The following TENT4B variants were observed in gnomAD, a reference collection of about 807,000 sequenced individuals.
TENT4B encodes the protein PAP associated domain containing 5.
A neutral mutation model predicts 75.0 loss-of-function variants in TENT4B; 10 were observed. That is an observed-to-expected ratio of 0.13 (90% CI 0.08 to 0.23). The LOEUF (loss-of-function observed/expected upper bound fraction) is 0.23. Ranked by LOEUF, TENT4B falls within the 10% of genes least tolerant of loss-of-function variation. TENT4B has a pLI of 1.00. For synonymous variants in TENT4B, 350 were observed against 357.7 expected (o/e 0.98, Z 0.24); for missense variants, 579 against 893.8 (o/e 0.65, Z 4.49).
rs2031548799 is a variant in TENT4B at position 50,216,294 on chromosome 16, G to A, written c.930+99G>A. The A allele has an allele frequency of 2.8e-6, 4 of 1,431,304 alleles. No individual in the cohort carries two copies. In the Admixed American group the frequency reaches 6.2e-5, roughly 22 times the overall value. The allele number at this position is 1,431,304 out of a possible 1,614,324, so 88.7% of individuals were successfully genotyped here. On this transcript the variant is annotated intron_variant, in intron 4 of 11. Coordinates refer to ENST00000561678, the MANE Select transcript of TENT4B (RefSeq NM_001365324.3). ...GTGAGCACAGTTGCATTGCAAGTGA[G>A]TGATTCTTTCATTTTGTTAATGTCA...
chr16:50,153,997 G>C lies in TENT4B; in HGVS notation c.376G>C (p.Gly126Arg). ...GCCCGGGGCCTGGGCCCGCCGGGCG[G>C]GCTCCTCGGCGTCCTCGCCTCCCTC... The part of the protein sequence containing the change: ...HQPGAWARRA[G>R]SSASSPPSAS... Residue 126 changes from glycine (G) to arginine (R), a missense_variant, in exon 1 of 12, where the codon GGC becomes CGC. Physicochemically the swap from Gly to Arg is moderately radical, Grantham distance 125. Around this residue, in one of 7 missense-constraint regions of TENT4B, gnomAD observed 253 missense variants for 270.1 expected, o/e 0.94. Transcript: ENST00000561678. 6.5e-7 allele frequency: 1 copy of C among 1,534,144 alleles called. No homozygotes were observed. The highest frequency in any genetic ancestry group is 1.4e-5 in the African/African-American group (1 of 73,018).
intron 1 of TENT4B, among the ~76,000 whole-genome samples, chr16:50,176,612 T>A (rs139933357): frequency 0.016 from 2,411 of 146,336 alleles, 25 homozygotes; most frequent in Non-Finnish European, 0.026. Flanking sequence ...GTTCAAGTAA[T>A]TCTCCTGCCT....
At chr16:50,176,863 G>A (rs1426430236) in intron 1 of TENT4B, among the ~76,000 whole-genome samples, 1 of 152,120 alleles carries the variant, frequency 6.6e-6, no homozygotes, top group East Asian at 1.9e-4. Flanking sequence ...TTTAGCATTT[G>A]TGTATCTGTG....
upstream of TENT4B, chr16:50,153,140 C>A: frequency 1.7e-6 from 1 of 576,190 alleles, no homozygotes; most frequent in Non-Finnish European, 2.2e-6. Context: ...CGGGCTGCTG[C>A]GCGGCGCAGC....
rs549761137 is a variant in TENT4B at position 50,212,297 on chromosome 16, A to G, written c.762+851A>G. ...GGTCTTGAACTCCTGGGTTCAAGCAATGTGCCCGCCTTGGCCTCCCAAAGT... is the reference window on the plus strand; with the variant it reads ...GGTCTTGAACTCCTGGGTTCAAGCAGTGTGCCCGCCTTGGCCTCCCAAAGT... On this transcript the variant is annotated intron_variant, in intron 2 of 11. Coordinates refer to ENST00000561678, the MANE Select transcript of TENT4B (RefSeq NM_001365324.3). Among the ~76,000 whole-genome samples, 40 of 152,168 alleles carry G rather than the reference A, an allele frequency of 2.6e-4. 1 individual carries two copies. Among genetic ancestry groups the G allele is most frequent in the Admixed American group, 8.5e-4 (13 of 15,284 alleles).
At chr16:50,175,383 TC>T (rs1169681712) in intron 1 of TENT4B, among the ~76,000 whole-genome samples, 4 of 152,190 alleles carry the variant, frequency 2.6e-5, no homozygotes, top group Non-Finnish European at 5.9e-5. Flanking sequence ...CATCTAGAGT[TC>T]CCCTTATATT....
chr16:50,225,705 C>T (rs1176731390), intron 10 of TENT4B, among the ~76,000 whole-genome samples: 8 of 149,258 alleles, frequency 5.4e-5, no homozygotes, highest in East Asian at 3.9e-4. Context: ...TTTTTTGAGA[C>T]GGGATCTCCC....
intron 1 of TENT4B, among the ~76,000 whole-genome samples, chr16:50,195,142 A>AT (rs2030140069): frequency 6.6e-6 from 1 of 152,142 alleles, no homozygotes; most frequent in South Asian, 2.1e-4. Context: ...TCCCATAAAC[A>AT]TTTTTTTAAT....
At chr16:50,152,965 C>T (rs1190495047), upstream of TENT4B, 6 of 1,511,822 alleles carry the variant, frequency 4.0e-6, no homozygotes, top group South Asian at 1.2e-5. Context: ...GCGGCCTCGT[C>T]CACGCTCAGC....
chr16:50,206,642 A>G (rs543136613), intron 1 of TENT4B, among the ~76,000 whole-genome samples: 1 of 152,092 alleles, frequency 6.6e-6, no homozygotes, highest in Admixed American at 6.6e-5. Context: ...GGTGCTGAGC[A>G]GAGGGGCTGG....
rs1567468600 is a variant in TENT4B, at chr16:50,153,404, G to A, written c.-218G>A. Among the ~76,000 whole-genome samples the A allele has an allele frequency of 7.3e-6, 1 of 136,196 alleles. No homozygotes were observed. Among genetic ancestry groups the A allele is most frequent in the East Asian group, 2.6e-4 (1 of 3,914 alleles). The allele number at this position is 136,196 out of a possible 152,430, so 89.3% of individuals were successfully genotyped here. A position where few individuals can be genotyped will look rare whatever the true frequency, so the allele number is the denominator to read the frequency against. ...GGAGGGGCGGAGGGAGGGGGGGAGG[G>A]CCCGCGGAGCCCCCGAGGGCGGGAG... On this transcript the variant is annotated 5_prime_UTR_variant, in exon 1 of 12. Coordinates refer to ENST00000561678, the MANE Select transcript of TENT4B (RefSeq NM_001365324.3).
chr16:50,192,526 A>G (rs1432594287), intron 1 of TENT4B, among the ~76,000 whole-genome samples: 1 of 152,228 alleles, frequency 6.6e-6, no homozygotes, highest in African/African-American at 2.4e-5. Context: ...GTAACTTGGT[A>G]GACTTGACCT....
At chr16:50,155,875 G>C (rs757120948) in intron 1 of TENT4B, among the ~76,000 whole-genome samples, 21 of 152,142 alleles carry the variant, frequency 1.4e-4, no homozygotes, top group Non-Finnish European at 2.4e-4. Context: ...CGAAAACCTT[G>C]AAGTTCCTTA....
At chr16:50,220,636 C>CT (rs1289539134) in intron 5 of TENT4B, among the ~76,000 whole-genome samples, 2 of 152,154 alleles carry the variant, frequency 1.3e-5, no homozygotes, top group Non-Finnish European at 2.9e-5. Context: ...TCAAACGATT[C>CT]TTGTGCCTCA....
chr16:50,171,936 G>C (rs2038213895), intron 1 of TENT4B, among the ~76,000 whole-genome samples: 1 of 152,176 alleles, frequency 6.6e-6, no homozygotes, highest in African/African-American at 2.4e-5. Context: ...GTTGCAGTGA[G>C]CTAACGCAGC....
chr16:50,186,756 A>T (rs2038535133), intron 1 of TENT4B, among the ~76,000 whole-genome samples: 1 of 151,570 alleles, frequency 6.6e-6, no homozygotes, highest in Admixed American at 6.6e-5. Context: ...TTTTTTTTTG[A>T]GACGGAATCT....
intron 11 of TENT4B, among the ~76,000 whole-genome samples, chr16:50,228,410 G>C (rs577977561): frequency 2.1e-4 from 32 of 152,332 alleles, no homozygotes; most frequent in African/African-American, 7.0e-4. Context: ...TGATCAGCTG[G>C]CTGTCAGGCG....
intron 1 of TENT4B, among the ~76,000 whole-genome samples, chr16:50,155,282 T>TGTGTGTGC (rs2037875028): frequency 6.7e-6 from 1 of 149,194 alleles, no homozygotes; most frequent in Non-Finnish European, 1.5e-5. Context: ...GGTGTGTGTG[T>TGTGTGTGC]GTGTGTGTGT....
At chr16:50,202,909 C>T (rs2030736895) in intron 1 of TENT4B, among the ~76,000 whole-genome samples, 1 of 152,166 alleles carries the variant, frequency 6.6e-6, no homozygotes. Flanking sequence ...CCTTCTGAAA[C>T]ATTGGCCTAA....
Sources: allele counts gnomAD v4.1 joint callset (sites outside exome capture counted in the v4.1 genomes callset), GRCh38; gene constraint gnomAD v4.1.1; regional missense constraint gnomAD v4.1.1; transcripts MANE v1.5; gene names NCBI Gene and HGNC (gene_info 2026-07-23, HGNC 2026-07-21).